The following PLPP4 variants were observed in gnomAD, a reference collection of about 807,000 sequenced individuals.
PLPP4 encodes diacylglycerol pyrophosphate like 2.
A neutral mutation model predicts 32.2 loss-of-function variants in PLPP4; 20 were observed. The observed-to-expected ratio is 0.62, with a 90% CI of 0.44 to 0.90. PLPP4 has a LOEUF of 0.90. Ranked by LOEUF, PLPP4 falls within the 40% of genes least tolerant of loss-of-function variation. The pLI, the probability that PLPP4 is intolerant of heterozygous loss-of-function variation, is 0.00. For synonymous variants in PLPP4, 127 were observed against 133.0 expected (o/e 0.95, Z 0.31); for missense variants, 257 against 353.1 (o/e 0.73, Z 2.18).
At chr10:120,561,414 A>G (rs968708631) in intron 5 of PLPP4, among the ~76,000 whole-genome samples, 1 of 152,156 alleles carries the variant, frequency 6.6e-6, no homozygotes, top group African/African-American at 2.4e-5. Context: ...GACCCCTGCC[A>G]TATTTCATGT....
intron 1 of PLPP4, among the ~76,000 whole-genome samples, chr10:120,463,967 C>T (rs1284713914): frequency 6.6e-6 from 1 of 152,164 alleles, no homozygotes; most frequent in Non-Finnish European, 1.5e-5. Flanking sequence ...GGTGTGCCAT[C>T]GCAGCCAGCT....
intron 5 of PLPP4, among the ~76,000 whole-genome samples, chr10:120,543,247 C>A (rs1847440107): frequency 6.6e-6 from 1 of 152,176 alleles, no homozygotes; most frequent in African/African-American, 2.4e-5. Context: ...CCTTTTCAGT[C>A]CTTCCTCCTC....
At chr10:120,550,220 CT>C (rs1402234838) in intron 5 of PLPP4, among the ~76,000 whole-genome samples, 2 of 151,808 alleles carry the variant, frequency 1.3e-5, no homozygotes, top group Non-Finnish European at 2.9e-5. Context: ...TTTATAGGTA[CT>C]TAGGAATTAA....
chr10:120,537,867 A>G (rs1335687233), intron 5 of PLPP4, among the ~76,000 whole-genome samples: 2 of 151,730 alleles, frequency 1.3e-5, no homozygotes, highest in East Asian at 1.9e-4. Context: ...TCTAAATACC[A>G]TGAGCGAGCA....
intron 2 of PLPP4, among the ~76,000 whole-genome samples, chr10:120,513,390 G>T (rs1370634028): frequency 6.6e-6 from 1 of 152,182 alleles, no homozygotes; most frequent in Non-Finnish European, 1.5e-5. Flanking sequence ...CATCTATGTG[G>T]AGGAAAGGGT....
intron 1 of PLPP4, among the ~76,000 whole-genome samples, chr10:120,485,947 A>G (rs957837535): frequency 6.6e-6 from 1 of 152,198 alleles, no homozygotes; most frequent in African/African-American, 2.4e-5. Flanking sequence ...GGGGACACCA[A>G]CTGCTGCACG....
At chr10:120,560,769 A>T (rs1022786965) in intron 5 of PLPP4, among the ~76,000 whole-genome samples, 1 of 152,152 alleles carries the variant, frequency 6.6e-6, no homozygotes, top group Non-Finnish European at 1.5e-5. Flanking sequence ...AAACAAAAAT[A>T]AAAAAATAGT....
chr10:120,559,057 TGG>T (rs1312008559), intron 5 of PLPP4, among the ~76,000 whole-genome samples: 7 of 152,228 alleles, frequency 4.6e-5, no homozygotes, highest in African/African-American at 1.7e-4. Flanking sequence ...AAAGATGTAT[TGG>T]TAGCTCCTGG....
intron 5 of PLPP4, among the ~76,000 whole-genome samples, chr10:120,532,586 A>G (rs548344074): frequency 2.0e-5 from 3 of 152,278 alleles, no homozygotes; most frequent in Non-Finnish European, 4.4e-5. Context: ...TTTGTCTCTC[A>G]TAAAATAAAA....
At chr10:120,522,924 A>G (rs1846221458) in intron 5 of PLPP4, among the ~76,000 whole-genome samples, 1 of 152,242 alleles carries the variant, frequency 6.6e-6, no homozygotes, top group Non-Finnish European at 1.5e-5. Flanking sequence ...ATCTTGGCAG[A>G]TGCAATTAAG....
At chr10:120,559,439 A>T (rs1439270103) in intron 5 of PLPP4, among the ~76,000 whole-genome samples, 1 of 152,158 alleles carries the variant, frequency 6.6e-6, no homozygotes, top group Non-Finnish European at 1.5e-5. Context: ...GTAGAAAGTT[A>T]AAATATACAG....
intron 5 of PLPP4, among the ~76,000 whole-genome samples, chr10:120,532,297 T>C (rs1256251789): frequency 2.6e-5 from 4 of 152,188 alleles, no homozygotes; most frequent in Admixed American, 2.6e-4. Flanking sequence ...ACATTTTGTT[T>C]ATCCATTCTA....
chr10:120,457,775 C>T (rs1589695921), intron 1 of PLPP4, among the ~76,000 whole-genome samples: 1 of 152,290 alleles, frequency 6.6e-6, no homozygotes, highest in South Asian at 2.1e-4. Context: ...TCCGATTCCT[C>T]CCCGCTGTGC....
Position 120,531,466 on chromosome 10 carries a change from ATTTACTAC to A in PLPP4, c.445+10375_445+10382del, listed in dbSNP as rs1846718165. 2.0e-5 allele frequency among the ~76,000 whole-genome samples: 3 copies of A among 152,092 alleles called. No homozygotes were observed. The South Asian group carries it at 6.2e-4, about 32-fold the overall frequency. ...CATCTTTTAATTTTGATTAAATCTA[ATTTACTAC>A]TTTCTTCTTTTATGGCTATTGCACT... is the stretch of plus-strand genomic sequence containing the variant. On this transcript the variant is annotated intron_variant, in intron 5 of 6. Coordinates refer to ENST00000398250, the MANE Select transcript of PLPP4 (RefSeq NM_001030059.3).
At chr10:120,534,815 T>G (rs1846930864) in intron 5 of PLPP4, among the ~76,000 whole-genome samples, 1 of 152,190 alleles carries the variant, frequency 6.6e-6, no homozygotes, top group Admixed American at 6.5e-5. Flanking sequence ...TGTGTCTTTA[T>G]TGATATTCTT....
At chr10:120,583,781 T>G (rs982725255) in intron 6 of PLPP4, among the ~76,000 whole-genome samples, 2 of 152,228 alleles carry the variant, frequency 1.3e-5, no homozygotes, top group African/African-American at 2.4e-5. Flanking sequence ...ATTTACTGAA[T>G]AAAAGTCGGC....
At chr10:120,497,822 C>T (rs1845040514) in intron 1 of PLPP4, among the ~76,000 whole-genome samples, 1 of 152,008 alleles carries the variant, frequency 6.6e-6, no homozygotes, top group Non-Finnish European at 1.5e-5. Flanking sequence ...AGGCAGATCA[C>T]GAGGTCAGGG....
chr10:120,558,408 T>A (rs757648689), intron 5 of PLPP4, among the ~76,000 whole-genome samples: 2 of 134,874 alleles, frequency 1.5e-5, no homozygotes, highest in African/African-American at 2.6e-5. Flanking sequence ...CTTTTCTTTC[T>A]TTCTTTTTTT....
At chr10:120,535,739 T>C (rs1471718805) in intron 5 of PLPP4, among the ~76,000 whole-genome samples, 2 of 152,180 alleles carry the variant, frequency 1.3e-5, no homozygotes, top group African/African-American at 4.8e-5. Flanking sequence ...TGTTTCATGA[T>C]GTGACTTCAT....
Sources: gnomAD v4.1 joint callset for allele counts (sites outside exome capture counted in the v4.1 genomes callset) on GRCh38, gnomAD v4.1.1 for gene constraint, MANE v1.5 for transcripts, NCBI Gene and HGNC (gene_info 2026-07-23, HGNC 2026-07-21) for gene names.